Variants in LMF1 observed in about 807,000 individuals in gnomAD.
The protein encoded by LMF1 is transmembrane protein 112.
LMF1 carries 68 observed loss-of-function variants against 60.6 expected under a neutral mutation model. The ratio of observed to expected loss-of-function variants is 1.12; its 90% confidence interval spans 0.92 to 1.37. LMF1 has a LOEUF of 1.37. Among genes scored for constraint, LMF1 ranks in the 40% most tolerant of loss-of-function variants. The pLI is 0.00. For missense variants in LMF1, 948 were observed against 767.2 expected (o/e 1.24, Z -2.78); for synonymous variants, 418 against 324.7 (o/e 1.29, Z -3.09).
chr16:912,114 G>T (rs2071140013), intron 3 of LMF1, among the ~76,000 whole-genome samples: 4 of 152,128 alleles, frequency 2.6e-5, no homozygotes, highest in Non-Finnish European at 4.4e-5. Context: ...ATGCTGGATG[G>T]GACAGAGGCC....
At chr16:863,250 C>G (rs146805118) in intron 10 of LMF1, among the ~76,000 whole-genome samples, 1 of 152,200 alleles carries the variant, frequency 6.6e-6, no homozygotes. Context: ...GAGCAATTCT[C>G]GTGTTTCAGC....
chr16:933,911 G>A (rs2071863914), intron 3 of LMF1: 2 of 1,281,964 alleles, frequency 1.6e-6, no homozygotes, highest in Non-Finnish European at 2.0e-6. Flanking sequence ...TATGCCGAGG[G>A]GCACACAGCC....
At chr16:856,029 C>T (rs891022484) in intron 10 of LMF1, 1 of 452,422 alleles carries the variant, frequency 2.2e-6, no homozygotes, top group South Asian at 1.6e-5. Context: ...CAGAGACCCT[C>T]TGGGTGGAGG....
intron 4 of LMF1, among the ~76,000 whole-genome samples, chr16:893,769 G>C (rs1413451276): frequency 1.3e-5 from 2 of 152,058 alleles, no homozygotes; most frequent in Non-Finnish European, 2.9e-5. Context: ...GTCACTCCCG[G>C]CTTCAGATGA....
At chr16:893,521 G>A (rs1407401552) in intron 4 of LMF1, among the ~76,000 whole-genome samples, 1 of 152,164 alleles carries the variant, frequency 6.6e-6, no homozygotes, top group East Asian at 1.9e-4. Context: ...GCCCCCTGCG[G>A]CACAAAGGGA....
intron 3 of LMF1, among the ~76,000 whole-genome samples, chr16:911,948 T>C (rs192216505): frequency 0.011 from 1,643 of 152,224 alleles, 23 homozygotes; most frequent in Non-Finnish European, 0.014. Context: ...AGCATAAGAA[T>C]GCGGATGCGG....
At chr16:857,255 ACT>A (rs1429125532) in intron 10 of LMF1, among the ~76,000 whole-genome samples, 1 of 152,084 alleles carries the variant, frequency 6.6e-6, no homozygotes, top group Non-Finnish European at 1.5e-5. Context: ...CTGGGTTTCA[ACT>A]CTCTGGCTTA....
intron 10 of LMF1, among the ~76,000 whole-genome samples, chr16:856,801 A>T (rs964749092): frequency 3.3e-5 from 5 of 152,174 alleles, no homozygotes; most frequent in Admixed American, 1.3e-4. Context: ...AGGGCTTGAG[A>T]GTGTTGAAAA....
intron 4 of LMF1, among the ~76,000 whole-genome samples, chr16:910,599 AAGGAGGGCTGGTGGGGGAAGCTC>A (rs529247241): frequency 0.013 from 1,914 of 152,156 alleles, 21 homozygotes; most frequent in South Asian, 0.093. Context: ...CCGGGAAGCA[AAGGAGGGCTGGTGGGGGAAGCTC>A]AGGAGGGCTG....
chr16:867,023 T>C (rs1311458162), intron 10 of LMF1, among the ~76,000 whole-genome samples: 1 of 152,206 alleles, frequency 6.6e-6, no homozygotes, highest in Non-Finnish European at 1.5e-5. Flanking sequence ...GGTAAGTGTC[T>C]GTTCCATCTT....
chr16:954,708 A>G, intron 1 of LMF1, 42 bp from the exon 2 acceptor site: 1 of 1,535,628 alleles, frequency 6.5e-7, no homozygotes, highest in South Asian at 1.3e-5. Flanking sequence ...CTAGGAACAA[A>G]CCACATGTGG....
chr16:954,692 G>C, intron 1 of LMF1, 26 bp from the exon 2 acceptor site: 1 of 1,563,730 alleles, frequency 6.4e-7, no homozygotes, highest in Non-Finnish European at 8.7e-7. Context: ...GACAAAACAA[G>C]CATGACTAGG....
rs576605658 is a variant in LMF1 at position 875,565 on chromosome 16, C to T, written c.897+4005G>A. 5.9e-5 allele frequency among the ~76,000 whole-genome samples: 9 copies of T among 152,218 alleles called. No homozygotes were observed. The South Asian group carries it at 6.2e-4, about 11-fold the overall frequency. ...CTTCTCCCAGGCAGCATCAGCTTATCGGGAGAGGGGCAGTGGTGGAACTGG... is the reference window on the plus strand; with the variant it reads ...CTTCTCCCAGGCAGCATCAGCTTATTGGGAGAGGGGCAGTGGTGGAACTGG... On this transcript the variant is annotated intron_variant, in intron 6 of 10. Coordinates refer to ENST00000262301, the MANE Select transcript of LMF1 (RefSeq NM_022773.4).
chr16:935,286 G>A (rs896128659), intron 2 of LMF1, among the ~76,000 whole-genome samples: 6 of 152,022 alleles, frequency 3.9e-5, no homozygotes, highest in Non-Finnish European at 7.4e-5. Flanking sequence ...TTTCTATAGA[G>A]GTTTTGCCAT....
chr16:853,878 TGGG>T lies in LMF1; in HGVS notation c.*651_*653del, dbSNP rs886712958. 5 of 453,912 alleles carry T rather than the reference TGGG, an allele frequency of 1.1e-5. No homozygotes were observed. Among genetic ancestry groups the T allele is most frequent in the African/African-American group, 4.0e-5 (2 of 50,050 alleles). The allele number at this position is 453,912 out of a possible 1,614,324, so 28.1% of individuals were successfully genotyped here. A position where few individuals can be genotyped will look rare whatever the true frequency, so the allele number is the denominator to read the frequency against. On this transcript the variant is annotated 3_prime_UTR_variant, in exon 11 of 11. Coordinates refer to ENST00000262301, the MANE Select transcript of LMF1 (RefSeq NM_022773.4). ...ATCTGCACCTCACAGACACCAGTCATGGGGGGATGAAACCGGGCCAAGAACACA... is the reference window on the plus strand; with the variant it reads ...ATCTGCACCTCACAGACACCAGTCATGGGATGAAACCGGGCCAAGAACACA...
intron 10 of LMF1, among the ~76,000 whole-genome samples, chr16:860,280 C>CT (rs963226037): frequency 2.0e-5 from 3 of 151,446 alleles, no homozygotes; most frequent in Admixed American, 6.6e-5. Flanking sequence ...CACAGATCAT[C>CT]TTTAAGTATA....
intron 2 of LMF1, among the ~76,000 whole-genome samples, chr16:938,974 G>T (rs1021788952): frequency 6.6e-6 from 1 of 152,174 alleles, no homozygotes. Flanking sequence ...AGCAAAGTCC[G>T]TGCATACAGA....
chr16:949,147 TGACAGAGTCAGCCAAC>T lies in LMF1; in HGVS notation c.503+5194_503+5209del, dbSNP rs1313578793. On this transcript the variant is annotated intron_variant, in intron 2 of 10. Transcript: ENST00000262301. ...CAGCCAACGACAGAGTTAGAGACAATGACAGAGTCAGCCAACGACAGAGTCAGCCAACGACAGAGTC... is the reference window on the plus strand; with the variant it reads ...CAGCCAACGACAGAGTTAGAGACAATGACAGAGTCAGCCAACGACAGAGTC... Among the ~76,000 whole-genome samples, 31 of 105,688 alleles carry T rather than the reference TGACAGAGTCAGCCAAC, an allele frequency of 2.9e-4. No homozygotes were observed. In the South Asian group the frequency reaches 4.1e-3, roughly 14 times the overall value. 69.3% of individuals were successfully genotyped at this position (105,688 alleles called of 152,430 possible).
chr16:920,497 A>C (rs2071403693), intron 3 of LMF1, among the ~76,000 whole-genome samples: 1 of 152,252 alleles, frequency 6.6e-6, no homozygotes, highest in African/African-American at 2.4e-5. Context: ...AGCAGAGTGA[A>C]GAACGAAAGA....
Sources: allele counts gnomAD v4.1 joint callset (sites outside exome capture counted in the v4.1 genomes callset), GRCh38; gene constraint gnomAD v4.1.1; transcripts MANE v1.5; gene names NCBI Gene and HGNC (gene_info 2026-07-23, HGNC 2026-07-21).